Variants in KBTBD11 observed in about 807,000 individuals in gnomAD.
KBTBD11 encodes the protein kelch repeat and BTB domain containing 11.
For synonymous variants in KBTBD11, 747 were observed against 499.0 expected (o/e 1.50, Z -6.63); for missense variants, 1,390 against 1,001.8 (o/e 1.39, Z -5.23).
rs551841702 is a variant in KBTBD11 at position 2,001,909 on chromosome 8, C to G, written c.717C>G (p.Val239=). 6 of 1,450,228 alleles carry G rather than the reference C, an allele frequency of 4.1e-6. No individual in the cohort carries two copies. The African/African-American group carries it at 5.9e-5, about 14-fold the overall frequency. The allele number at this position is 1,450,228 out of a possible 1,614,324, so 89.8% of individuals were successfully genotyped here. Residue 239 remains valine (V), a synonymous_variant, in exon 2 of 2, where the codon GTC becomes GTG. Coordinates refer to ENST00000320248, the MANE Select transcript of KBTBD11 (RefSeq NM_014867.3). ...PQLSLANCYE[V]LSAAKRQRLN... is the part of the protein sequence containing the mutation. ...TGAGCCTGGCCAACTGCTACGAGGT[C>G]CTGAGCGCGGCCAAGCGGCAGCGGC...
At chr8:1,976,244 C>T (rs1221000077) in intron 1 of KBTBD11, 1 of 151,942 alleles carries the variant, frequency 6.6e-6, no homozygotes, top group Non-Finnish European at 1.5e-5. Context: ...CTGCCCTTCT[C>T]CGGAGGTCAA....
intron 1 of KBTBD11, among the ~76,000 whole-genome samples, chr8:1,985,048 T>C (rs139710521): frequency 2.6e-5 from 4 of 152,334 alleles, no homozygotes; most frequent in African/African-American, 9.6e-5. Context: ...ATCCACAGTA[T>C]GCCCTGGGTC....
chr8:2,005,058 T>G lies in KBTBD11; in HGVS notation c.*1994T>G, dbSNP rs1239711539. The G allele has an allele frequency of 8.4e-5, 14 of 167,098 alleles. No homozygotes were observed. In the Admixed American group the frequency reaches 9.2e-4, roughly 11 times the overall value. 10.4% of individuals were successfully genotyped at this position (167,098 alleles called of 1,614,324 possible). A position where few individuals can be genotyped will look rare whatever the true frequency, so the allele number is the denominator to read the frequency against. On this transcript the variant is annotated 3_prime_UTR_variant, in exon 2 of 2. Coordinates refer to ENST00000320248, the MANE Select transcript of KBTBD11 (RefSeq NM_014867.3). ...TGAAAATGAAATATTGAAATTAGGCTTCCAGAGTAACACTGTCCCCGGAAA... is the reference window on the plus strand; with the variant it reads ...TGAAAATGAAATATTGAAATTAGGCGTCCAGAGTAACACTGTCCCCGGAAA...
intron 1 of KBTBD11, among the ~76,000 whole-genome samples, chr8:1,985,401 G>T (rs938895320): frequency 2.0e-5 from 3 of 152,264 alleles, no homozygotes; most frequent in Admixed American, 6.5e-5. Context: ...GCGCTTAGGG[G>T]TTCCCCCTCG....
intron 1 of KBTBD11, among the ~76,000 whole-genome samples, chr8:1,978,080 G>A (rs1816411129): frequency 6.6e-6 from 1 of 152,204 alleles, no homozygotes; most frequent in South Asian, 2.1e-4. Context: ...ATGGTGGTTT[G>A]TTGCACCTGT....
chr8:1,983,668 G>A (rs1055504693), intron 1 of KBTBD11, among the ~76,000 whole-genome samples: 5 of 152,296 alleles, frequency 3.3e-5, no homozygotes, highest in Middle Eastern at 3.4e-3. Context: ...ATGTTGAAAT[G>A]TGTTACCTAT....
At chr8:1,997,183 A>G (rs1294524330) in intron 1 of KBTBD11, among the ~76,000 whole-genome samples, 1 of 152,092 alleles carries the variant, frequency 6.6e-6, no homozygotes, top group South Asian at 2.1e-4. Context: ...ACAAGGATGG[A>G]CGCTCCTCAG....
At chr8:1,982,236 G>A (rs1816561825) in intron 1 of KBTBD11, among the ~76,000 whole-genome samples, 1 of 152,036 alleles carries the variant, frequency 6.6e-6, no homozygotes, top group Non-Finnish European at 1.5e-5. Context: ...TGACCACAAA[G>A]CAAAAACCTA....
At chr8:1,974,330 T>G in intron 1 of KBTBD11, 1 of 984,036 alleles carries the variant, frequency 1.0e-6, no homozygotes, top group South Asian at 4.7e-5. Flanking sequence ...GCGCCCGCAG[T>G]CACCGCCCCC....
At chr8:1,998,679 G>A (rs73184750) in intron 1 of KBTBD11, among the ~76,000 whole-genome samples, 13,417 of 152,254 alleles carry the variant, frequency 0.088, 740 homozygotes, top group Middle Eastern at 0.13. Context: ...AGTGTTAAAC[G>A]AATAAGCCAA....
In KBTBD11 at chr8:1,988,737, T is replaced by A. The variant is rs373420206; in HGVS notation, c.-908-11548T>A. Among the ~76,000 whole-genome samples, 4 of 152,324 alleles carry A rather than the reference T, an allele frequency of 2.6e-5. No individual in the cohort carries two copies. The East Asian group carries it at 5.8e-4, about 22-fold the overall frequency. On this transcript the variant is annotated intron_variant, in intron 1 of 1. Coordinates refer to ENST00000320248, the MANE Select transcript of KBTBD11 (RefSeq NM_014867.3). ...CTTCTGCACTGAGGCTTGAGCCCCA[T>A]GGGGCTGGGACCAAGTCTGTCTCAT... is the stretch of plus-strand genomic sequence containing the variant.
Position 2,002,132 on chromosome 8 carries a change from A to T in KBTBD11, c.940A>T (p.Ser314Cys). The change falls in exon 2 of 2, where the codon AGC (serine) becomes TGC (cysteine). Residue 314 changes from serine (S) to cysteine (C), a missense_variant. Coordinates refer to ENST00000320248, the MANE Select transcript of KBTBD11 (RefSeq NM_014867.3). This position sits in a 1 kb window ranked among gnomAD's most constrained non-coding sequence, Gnocchi z 4.1. ...AGERAGSRPQ[S>C]PSGDADARGD... ...GGAGCGCGCGGGCAGCCGGCCTCAG[A>T]GCCCCTCGGGGGACGCGGACGCGCG... The T allele has an allele frequency of 8.8e-7, 1 of 1,140,150 alleles. No homozygotes were observed. The highest frequency in any genetic ancestry group is 1.1e-6 in the Non-Finnish European group (1 of 932,186). 70.6% of individuals were successfully genotyped at this position (1,140,150 alleles called of 1,614,324 possible).
chr8:1,987,481 C>A (rs1016335068), intron 1 of KBTBD11, among the ~76,000 whole-genome samples: 1 of 152,144 alleles, frequency 6.6e-6, no homozygotes, highest in East Asian at 1.9e-4. Flanking sequence ...TCTTTAAACG[C>A]CGTCAGCAGA....
Position 2,001,593 on chromosome 8 carries a change from G to C in KBTBD11, c.401G>C (p.Gly134Ala). ...GEPAPVPPGF[G>A]AVYGEPDLVL... ...CCCGCGCCCGTACCCCCGGGGTTCGGGGCGGTGTACGGGGAGCCGGACCTG... is the reference window on the plus strand; with the variant it reads ...CCCGCGCCCGTACCCCCGGGGTTCGCGGCGGTGTACGGGGAGCCGGACCTG... The change falls in exon 2 of 2, where the codon GGG (glycine) becomes GCG (alanine). Residue 134 changes from glycine (G) to alanine (A), a missense_variant. Transcript: ENST00000320248. The C allele has an allele frequency of 6.8e-7, 1 of 1,465,094 alleles. No individual in the cohort carries two copies. Among genetic ancestry groups the C allele is most frequent in the Non-Finnish European group, 9.0e-7 (1 of 1,113,818 alleles). 90.8% of individuals were successfully genotyped at this position (1,465,094 alleles called of 1,614,324 possible). A position where few individuals can be genotyped will look rare whatever the true frequency, so the allele number is the denominator to read the frequency against.
chr8:1,978,882 GGTGTGAAAGT>G (rs1816442305), intron 1 of KBTBD11, among the ~76,000 whole-genome samples: 1 of 152,198 alleles, frequency 6.6e-6, no homozygotes, highest in Non-Finnish European at 1.5e-5. Context: ...ATGGAAGTCA[GGTGTGAAAGT>G]GCCTCCCTGG....
chr8:1,991,713 A>C (rs1402407295), intron 1 of KBTBD11, among the ~76,000 whole-genome samples: 2 of 151,960 alleles, frequency 1.3e-5, no homozygotes, highest in African/African-American at 4.8e-5. Flanking sequence ...GGGGTCCTGC[A>C]CTGCCCTGAG....
At chr8:1,993,480 T>G (rs1287578200) in intron 1 of KBTBD11, among the ~76,000 whole-genome samples, 1 of 139,052 alleles carries the variant, frequency 7.2e-6, no homozygotes, top group African/African-American at 2.6e-5. Context: ...TATCCATCCA[T>G]CTATCCGTCC....
rs1415056235 is a variant in KBTBD11 at position 2,002,447 on chromosome 8, G to A, written c.1255G>A (p.Gly419Ser). Residue 419 changes from glycine to serine, a missense_variant, in exon 2 of 2, where the codon GGC becomes AGC. By Grantham distance (56) the Gly-to-Ser change is moderately conservative. Coordinates refer to ENST00000320248, the MANE Select transcript of KBTBD11 (RefSeq NM_014867.3). This position sits in a 1 kb window ranked among gnomAD's most constrained non-coding sequence, Gnocchi z 4.1. ...ALDGHLYAVG[G>S]ECLLSVERYD... ...GGACGGTCACCTCTACGCCGTGGGC[G>A]GCGAGTGCCTGCTCAGCGTGGAGCG... The A allele has an allele frequency of 6.6e-7, 1 of 1,505,558 alleles. No individual in the cohort carries two copies. The highest frequency in any genetic ancestry group is 1.4e-5 in the African/African-American group (1 of 69,182). The allele number at this position is 1,505,558 out of a possible 1,614,324, so 93.3% of individuals were successfully genotyped here.
intron 1 of KBTBD11, among the ~76,000 whole-genome samples, chr8:1,984,293 T>G (rs1816639047): frequency 6.9e-6 from 1 of 144,954 alleles, no homozygotes; most frequent in African/African-American, 2.6e-5. Context: ...TTTTTTTTTT[T>G]TTTTTTTTTT....
Sources: gnomAD v4.1 joint callset for allele counts (sites outside exome capture counted in the v4.1 genomes callset) on GRCh38, gnomAD v4.1.1 for gene constraint, Gnocchi (gnomAD v3.1) non-coding constraint, MANE v1.5 for transcripts, NCBI Gene and HGNC (gene_info 2026-07-23, HGNC 2026-07-21) for gene names.